LDB2: variants seen among roughly 807,000 people sequenced by gnomAD.
LDB2 encodes the protein LIM domain-binding protein 2.
In LDB2, 12 loss-of-function variants were observed where a neutral mutation model predicts 44.3. The ratio of observed to expected loss-of-function variants is 0.27; its 90% CI spans 0.17 to 0.44. The LOEUF is 0.44. LDB2 is among the 20% of genes least tolerant of loss of function. The pLI, the probability that LDB2 is intolerant of heterozygous loss-of-function variation, is 1.00. For missense variants in LDB2, 344 were observed against 473.5 expected (o/e 0.73, Z 2.54); for synonymous variants, 164 against 174.8 (o/e 0.94, Z 0.49).
At chr4:16,840,568 G>A (rs1397677137) in intron 1 of LDB2, among the ~76,000 whole-genome samples, 2 of 152,152 alleles carry the variant, frequency 1.3e-5, no homozygotes, top group African/African-American at 2.4e-5. Context: ...AGTCGTTTGG[G>A]ATCACTTGAG....
At chr4:16,641,936 T>A (rs950907875) in intron 2 of LDB2, among the ~76,000 whole-genome samples, 4 of 152,098 alleles carry the variant, frequency 2.6e-5, no homozygotes, top group African/African-American at 7.2e-5. Flanking sequence ...AAGAAACAAT[T>A]ACTAAAAGTA....
At chr4:16,577,692 A>C (rs1011114996) in intron 5 of LDB2, among the ~76,000 whole-genome samples, 1 of 152,170 alleles carries the variant, frequency 6.6e-6, no homozygotes, top group Non-Finnish European at 1.5e-5. Flanking sequence ...AATACCAATG[A>C]CATTCTTCAC....
At chr4:16,652,696 G>A (rs1451987034) in intron 2 of LDB2, among the ~76,000 whole-genome samples, 2 of 152,172 alleles carry the variant, frequency 1.3e-5, no homozygotes, top group African/African-American at 2.4e-5. Context: ...CTTTAATAAA[G>A]TCATCTCCAA....
At chr4:16,779,181 A>G (rs1433812686) in intron 1 of LDB2, among the ~76,000 whole-genome samples, 1 of 151,816 alleles carries the variant, frequency 6.6e-6, no homozygotes, top group Non-Finnish European at 1.5e-5. Flanking sequence ...CTGGGATTTG[A>G]ACTTGTGCCA....
chr4:16,695,828 A>AT (rs143557117), intron 2 of LDB2, among the ~76,000 whole-genome samples: 16,635 of 151,972 alleles, frequency 0.11, 1,174 homozygotes, highest in East Asian at 0.42. Flanking sequence ...TCTTCTTTTG[A>AT]TTTTTTTTGA....
At chr4:16,674,806 C>T (rs1294954284) in intron 2 of LDB2, among the ~76,000 whole-genome samples, 2 of 145,208 alleles carry the variant, frequency 1.4e-5, no homozygotes, top group East Asian at 4.0e-4. Context: ...CACACACACA[C>T]ATATACACAG....
chr4:16,577,997 A>T (rs1395664494), intron 5 of LDB2, among the ~76,000 whole-genome samples: 1 of 152,314 alleles, frequency 6.6e-6, no homozygotes, highest in East Asian at 1.9e-4. Context: ...GTACTGGGAA[A>T]ACTGGATATC....
intron 6 of LDB2, among the ~76,000 whole-genome samples, chr4:16,511,356 C>CTATAG (rs1721666703): frequency 6.6e-6 from 1 of 152,072 alleles, no homozygotes; most frequent in Non-Finnish European, 1.5e-5. Context: ...CAGCAGGAGA[C>CTATAG]TATAGTATCT....
intron 2 of LDB2, among the ~76,000 whole-genome samples, chr4:16,639,505 A>C (rs2152507088): frequency 6.6e-6 from 1 of 152,356 alleles, no homozygotes; most frequent in Middle Eastern, 3.4e-3. Context: ...CTTGTTGCCC[A>C]GGCTGGAGTG....
At chr4:16,851,192 A>G (rs10010392) in intron 1 of LDB2, among the ~76,000 whole-genome samples, 11,485 of 151,968 alleles carry the variant, frequency 0.076, 1,454 homozygotes, top group African/African-American at 0.26. Context: ...AACCAACTTC[A>G]AGCTACCAAC....
At position 16,646,338 on chromosome 4, in the gene LDB2, T is replaced by C. The variant is rs11933266; in HGVS notation, c.236-50463A>G. 6.6e-3 allele frequency among the ~76,000 whole-genome samples: 1,002 copies of C among 152,346 alleles called. 9 individuals carry two copies. Among genetic ancestry groups the C allele is most frequent in the African/African-American group, 0.023 (952 of 41,572 alleles). ...AGAGTACTGTAAATTATATATTAACTGTGGAATATTAGATCCTTCTTCCCA... is the reference window on the plus strand; with the variant it reads ...AGAGTACTGTAAATTATATATTAACCGTGGAATATTAGATCCTTCTTCCCA... On this transcript the variant is annotated intron_variant, in intron 2 of 7. Transcript: ENST00000304523.
intron 2 of LDB2, among the ~76,000 whole-genome samples, chr4:16,676,781 A>G (rs1012878703): frequency 2.0e-5 from 3 of 152,230 alleles, no homozygotes; most frequent in Non-Finnish European, 4.4e-5. Flanking sequence ...TACTGTAGGA[A>G]TACCAAAAAG....
At chr4:16,509,400 A>T (rs1192816083) in intron 6 of LDB2, among the ~76,000 whole-genome samples, 1 of 152,032 alleles carries the variant, frequency 6.6e-6, no homozygotes, top group African/African-American at 2.4e-5. Context: ...GGGAAACTAG[A>T]CCTCTTAAAG....
intron 1 of LDB2, among the ~76,000 whole-genome samples, chr4:16,842,967 T>C (rs1219675517): frequency 9.9e-5 from 15 of 152,206 alleles, no homozygotes; most frequent in Admixed American, 9.2e-4. Flanking sequence ...GTTATTATTT[T>C]ACTTAAACAA....
chr4:16,761,778 G>A (rs1767978961), intron 1 of LDB2, among the ~76,000 whole-genome samples: 1 of 152,080 alleles, frequency 6.6e-6, no homozygotes, highest in Admixed American at 6.6e-5. Context: ...CCCTTTCCCT[G>A]CCTCTGTCTA....
chr4:16,739,965 A>C (rs1762907895), intron 2 of LDB2, among the ~76,000 whole-genome samples: 1 of 151,740 alleles, frequency 6.6e-6, no homozygotes, highest in African/African-American at 2.4e-5. Flanking sequence ...TCAGATGTTC[A>C]TACTTTTAAA....
intron 2 of LDB2, among the ~76,000 whole-genome samples, chr4:16,622,732 C>T (rs945328128): frequency 1.3e-5 from 2 of 152,172 alleles, no homozygotes; most frequent in Admixed American, 6.5e-5. Flanking sequence ...TGCTGAGAAA[C>T]TAAGATGGGA....
intron 2 of LDB2, among the ~76,000 whole-genome samples, chr4:16,691,394 T>C (rs1750739380): frequency 1.3e-5 from 2 of 152,296 alleles, no homozygotes; most frequent in South Asian, 4.1e-4. Flanking sequence ...ACTGCAACGA[T>C]AATATTCTTT....
At chr4:16,790,468 A>T (rs989712015) in intron 1 of LDB2, among the ~76,000 whole-genome samples, 31 of 152,188 alleles carry the variant, frequency 2.0e-4, no homozygotes, top group African/African-American at 7.2e-4. Flanking sequence ...GAAATGATTG[A>T]TATTCAGTAA....
Sources: allele counts gnomAD v4.1 joint callset (sites outside exome capture counted in the v4.1 genomes callset), GRCh38; gene constraint gnomAD v4.1.1; transcripts MANE v1.5; gene names NCBI Gene and HGNC (gene_info 2026-07-23, HGNC 2026-07-21).